CTNNA2: variants seen among roughly 807,000 people sequenced by gnomAD.
CTNNA2 encodes the protein catenin alpha 2.
A neutral mutation model predicts 101.0 loss-of-function variants in CTNNA2; 42 were observed. The ratio of observed to expected loss-of-function variants is 0.42; its 90% confidence interval spans 0.32 to 0.54. CTNNA2 has a LOEUF of 0.54. CTNNA2 is among the 20% of genes least tolerant of loss of function. CTNNA2 has a pLI of 0.14. For synonymous variants in CTNNA2, 450 were observed against 456.4 expected (o/e 0.99, Z 0.18); for missense variants, 871 against 1,223.1 (o/e 0.71, Z 4.29).
intron 2 of CTNNA2, among the ~76,000 whole-genome samples, chr2:79,695,433 A>G (rs1243127593): frequency 6.6e-6 from 1 of 151,992 alleles, no homozygotes; most frequent in African/African-American, 2.4e-5. Flanking sequence ...ACAGGAATTT[A>G]TGTTGAGCAG....
intron 17 of CTNNA2, among the ~76,000 whole-genome samples, chr2:80,614,460 C>T (rs938016203): frequency 2.0e-5 from 3 of 151,234 alleles, no homozygotes; most frequent in African/African-American, 7.3e-5. Flanking sequence ...CATTTTATAT[C>T]AGAGACTTGA....
intron 2 of CTNNA2, among the ~76,000 whole-genome samples, chr2:79,262,283 A>C (rs2104288135): frequency 6.6e-6 from 1 of 152,196 alleles, no homozygotes; most frequent in South Asian, 2.1e-4. Context: ...GTTTTTAAAA[A>C]CCCTTTAGAA....
chr2:79,983,403 G>A (rs1286118489), intron 7 of CTNNA2, among the ~76,000 whole-genome samples: 1 of 152,020 alleles, frequency 6.6e-6, no homozygotes, highest in Non-Finnish European at 1.5e-5. Context: ...TATAAACACT[G>A]TGAAGAAACT....
At chr2:80,096,333 C>T (rs1057480901) in intron 7 of CTNNA2, among the ~76,000 whole-genome samples, 2 of 152,146 alleles carry the variant, frequency 1.3e-5, no homozygotes, top group Non-Finnish European at 2.9e-5. Flanking sequence ...TTTCTTAATC[C>T]TGAGTTCTAG....
chr2:79,415,531 T>C (rs1678467765), intron 4 of CTNNA2, among the ~76,000 whole-genome samples: 2 of 152,222 alleles, frequency 1.3e-5, no homozygotes, highest in South Asian at 2.1e-4. Context: ...AGGAAGATAT[T>C]TGGGGGAATG....
chr2:79,593,201 A>G (rs2103999293), intron 1 of CTNNA2, among the ~76,000 whole-genome samples: 1 of 152,284 alleles, frequency 6.6e-6, no homozygotes, highest in Admixed American at 6.5e-5. Flanking sequence ...ATCATAGTTG[A>G]ATGACTCTAA....
intron 7 of CTNNA2, among the ~76,000 whole-genome samples, chr2:79,987,085 C>G (rs891818193): frequency 1.3e-5 from 2 of 152,136 alleles, no homozygotes; most frequent in African/African-American, 2.4e-5. Context: ...TGTGGAACCA[C>G]TTTTTTTCCC....
chr2:79,356,164 GTATTA>G (rs1481830314), intron 3 of CTNNA2, among the ~76,000 whole-genome samples: 1 of 151,558 alleles, frequency 6.6e-6, no homozygotes, highest in East Asian at 1.9e-4. Context: ...GTGTGAAGTG[GTATTA>G]TATTGTTGTT....
intron 7 of CTNNA2, among the ~76,000 whole-genome samples, chr2:80,020,567 T>C (rs950526157): frequency 6.6e-6 from 1 of 152,176 alleles, no homozygotes; most frequent in African/African-American, 2.4e-5. Context: ...ACTGACAATA[T>C]AATATTTAAG....
At chr2:79,381,971 T>C (rs1328289257) in intron 4 of CTNNA2, among the ~76,000 whole-genome samples, 1 of 152,236 alleles carries the variant, frequency 6.6e-6, no homozygotes, top group Non-Finnish European at 1.5e-5. Context: ...GATACTTAGA[T>C]AGCTGATAAA....
At chr2:79,512,612 G>C (rs1310588108), upstream of CTNNA2, among the ~76,000 whole-genome samples, 2 of 89,140 alleles carry the variant, frequency 2.2e-5, no homozygotes, top group Non-Finnish European at 4.3e-5. Context: ...CCCTCTCCCC[G>C]GGCCTCGCGA....
At chr2:80,173,239 A>C (rs1019692491) in intron 7 of CTNNA2, among the ~76,000 whole-genome samples, 4 of 152,240 alleles carry the variant, frequency 2.6e-5, no homozygotes, top group Non-Finnish European at 5.9e-5. Flanking sequence ...GTGCACAGCC[A>C]TGTGCCAGGC....
intron 7 of CTNNA2, among the ~76,000 whole-genome samples, chr2:80,100,790 C>T (rs1057115758): frequency 3.3e-5 from 5 of 152,194 alleles, no homozygotes; most frequent in African/African-American, 1.2e-4. Context: ...TCAGCACTCT[C>T]ATCAACATTG....
At chr2:79,966,632 G>A (rs1236577897) in intron 7 of CTNNA2, among the ~76,000 whole-genome samples, 1 of 152,108 alleles carries the variant, frequency 6.6e-6, no homozygotes, top group East Asian at 1.9e-4. Flanking sequence ...AAGCTGGGAA[G>A]AAAAGAAAGA....
chr2:79,903,643 G>T (rs1023534619), intron 6 of CTNNA2, among the ~76,000 whole-genome samples: 26 of 152,122 alleles, frequency 1.7e-4, no homozygotes, highest in African/African-American at 6.3e-4. Context: ...AGGAGTGACT[G>T]GGCTTTTGTG....
chr2:80,290,229 A>G (rs1675119305), intron 7 of CTNNA2, among the ~76,000 whole-genome samples: 2 of 152,286 alleles, frequency 1.3e-5, no homozygotes, highest in South Asian at 4.1e-4. Context: ...CATGCCAGAT[A>G]GTTTTTTAGT....
intron 2 of CTNNA2, among the ~76,000 whole-genome samples, chr2:79,719,312 A>G (rs1164101506): frequency 1.3e-5 from 2 of 152,188 alleles, no homozygotes; most frequent in Admixed American, 1.3e-4. Context: ...CCAATCCACC[A>G]TTAATGGACA....
At chr2:80,022,741 G>A (rs1235141651) in intron 7 of CTNNA2, among the ~76,000 whole-genome samples, 1 of 152,182 alleles carries the variant, frequency 6.6e-6, no homozygotes, top group African/African-American at 2.4e-5. Context: ...CAAAAGAACA[G>A]TGCAACTGGA....
chr2:79,675,801 T>G (rs1683146374), intron 2 of CTNNA2, among the ~76,000 whole-genome samples: 1 of 152,224 alleles, frequency 6.6e-6, no homozygotes, highest in Non-Finnish European at 1.5e-5. Context: ...ACGAATATGT[T>G]TCTGACCCTG....
Sources: allele counts gnomAD v4.1 joint callset (sites outside exome capture counted in the v4.1 genomes callset), GRCh38; gene constraint gnomAD v4.1.1; transcripts MANE v1.5; gene names NCBI Gene and HGNC (gene_info 2026-07-23, HGNC 2026-07-21).